PRKD1: variants seen among roughly 807,000 people sequenced by gnomAD.
PRKD1 encodes serine/threonine-protein kinase D1.
Under a neutral mutation model 95.9 loss-of-function variants are expected in PRKD1, and 63 were observed. The ratio of observed to expected loss-of-function variants is 0.66; its 90% CI spans 0.54 to 0.81. PRKD1 has a LOEUF of 0.81. Ranked by LOEUF, PRKD1 falls within the 30% of genes least tolerant of loss-of-function variation. The probability of loss-of-function intolerance (pLI) is 0.00; values close to 1 mark genes in which losing one functional copy is unlikely to be tolerated. For missense variants in PRKD1, 1,048 were observed against 1,165.3 expected (o/e 0.90, Z 1.47); for synonymous variants, 425 against 423.1 (o/e 1.00, Z -0.05).
chr14:29,840,056 T>C (rs896916404), intron 1 of PRKD1, among the ~76,000 whole-genome samples: 2 of 152,120 alleles, frequency 1.3e-5, no homozygotes, highest in Non-Finnish European at 2.9e-5. Flanking sequence ...CCACCTTGAA[T>C]TTCTCCTCAG....
At chr14:29,629,117 T>G (rs200341681) in intron 10 of PRKD1, 24 bp from the exon 11 acceptor site, 3 of 1,594,262 alleles carry the variant, frequency 1.9e-6, no homozygotes, top group African/African-American at 2.7e-5. Context: ...TAAAACAATA[T>G]GCACACAAAA....
intron 8 of PRKD1, among the ~76,000 whole-genome samples, chr14:29,633,927 A>G (rs1042657286): frequency 3.9e-5 from 6 of 152,212 alleles, no homozygotes; most frequent in African/African-American, 1.4e-4. Context: ...GTTCTCTCTT[A>G]CGTACGTACA....
chr14:29,793,101 T>C (rs45621633), intron 1 of PRKD1, among the ~76,000 whole-genome samples: 94 of 152,170 alleles, frequency 6.2e-4, no homozygotes, highest in African/African-American at 2.1e-3. Context: ...GTTCTTGTGG[T>C]TAAAATAAAA....
At chr14:29,720,862 A>C (rs962070120) in intron 2 of PRKD1, among the ~76,000 whole-genome samples, 1 of 152,166 alleles carries the variant, frequency 6.6e-6, no homozygotes, top group Non-Finnish European at 1.5e-5. Context: ...AAGGAAATCA[A>C]TGATACTACC....
chr14:29,894,435 T>A (rs1894048194), intron 1 of PRKD1, among the ~76,000 whole-genome samples: 1 of 152,218 alleles, frequency 6.6e-6, no homozygotes. Context: ...GTATTCTGTA[T>A]CCTCTTGGAG....
rs1352208750 is a variant in PRKD1 at position 29,599,734 on chromosome 14, A to G, written c.1989T>C (p.His663=). 8 of 1,613,474 alleles carry G rather than the reference A, an allele frequency of 5.0e-6. No individual in the cohort carries two copies. Among genetic ancestry groups the G allele is most frequent in the Non-Finnish European group, 5.9e-6 (7 of 1,179,720 alleles). Residue 663 remains histidine (H), a synonymous_variant, in exon 14 of 18, where the codon CAT becomes CAC. Transcript: ENST00000331968. ...ACAAGATCATTTCCAGCATGTCTCCATGGAGTTTTTCCATAACAACAAACA... is the reference window on the plus strand; with the variant it reads ...ACAAGATCATTTCCAGCATGTCTCCGTGGAGTTTTTCCATAACAACAAACA... ...ERVFVVMEKL[H]GDMLEMILSS...
chr14:29,666,973 C>A (rs897294581), intron 2 of PRKD1, among the ~76,000 whole-genome samples: 7 of 152,138 alleles, frequency 4.6e-5, no homozygotes, highest in African/African-American at 1.4e-4. Context: ...TTTATTACAT[C>A]TTTCCATATG....
intron 4 of PRKD1, among the ~76,000 whole-genome samples, chr14:29,647,580 T>C (rs1403923666): frequency 6.6e-6 from 1 of 152,180 alleles, no homozygotes; most frequent in Non-Finnish European, 1.5e-5. Flanking sequence ...GGCCTGGGTT[T>C]ATGGTCTCAC....
chr14:29,652,232 G>C (rs556535958), intron 4 of PRKD1, among the ~76,000 whole-genome samples: 3 of 152,144 alleles, frequency 2.0e-5, no homozygotes, highest in African/African-American at 7.2e-5. Flanking sequence ...TGGAGGTCAC[G>C]GTACCTTGCC....
Position 29,576,860 on chromosome 14 carries a change from A to T in PRKD1, c.*378T>A, listed in dbSNP as rs147289286. 6.1e-4 allele frequency: 152 copies of T among 247,664 alleles called. No individual in the cohort carries two copies. Among genetic ancestry groups the T allele is most frequent in the African/African-American group, 2.8e-3 (129 of 45,666 alleles). 15.3% of individuals were successfully genotyped at this position (247,664 alleles called of 1,614,324 possible). A position where few individuals can be genotyped will look rare whatever the true frequency, so the allele number is the denominator to read the frequency against. ...TCAAGAGTTTGTTTACAATGACAAC[A>T]CCAATGGGACACACCAAACAGAACT... On this transcript the variant is annotated 3_prime_UTR_variant, in exon 18 of 18. Coordinates refer to ENST00000331968, the MANE Select transcript of PRKD1 (RefSeq NM_002742.3).
At chr14:29,921,957 C>T (rs1259652551) in intron 1 of PRKD1, among the ~76,000 whole-genome samples, 1 of 152,214 alleles carries the variant, frequency 6.6e-6, no homozygotes, top group African/African-American at 2.4e-5. Context: ...ACTTCACAGT[C>T]TCACAGGATA....
At chr14:29,664,987 G>A (rs778138469) in intron 3 of PRKD1, among the ~76,000 whole-genome samples, 1 of 152,014 alleles carries the variant, frequency 6.6e-6, no homozygotes, top group Middle Eastern at 3.4e-3. Flanking sequence ...ATTTTTAGTC[G>A]GCTGATAAAA....
At position 29,636,366 on chromosome 14, in the gene PRKD1, T is replaced by C. The variant is rs144613015; in HGVS notation, c.1114A>G (p.Met372Val). 5.3e-5 allele frequency: 86 copies of C among 1,614,226 alleles called. 1 individual carries two copies. The African/African-American group carries it at 1.1e-3, about 21-fold the overall frequency. ...EAMVQDAEMA[M>V]AECQNDSGEM... The stretch of plus-strand genomic sequence containing the variant: ...CCACTGTCGTTCTGGCACTCTGCCA[T>C]TGCCATCTCTGCATCTTGGACCATT... Residue 372 changes from methionine to valine, a missense_variant, in exon 7 of 18, where the codon ATG (methionine) becomes GTG (valine). Physicochemically the swap from Met to Val is conservative, Grantham distance 21 (BLOSUM62 1). Coordinates refer to ENST00000331968, the MANE Select transcript of PRKD1 (RefSeq NM_002742.3).
At chr14:29,751,699 A>C (rs969751271) in intron 1 of PRKD1, among the ~76,000 whole-genome samples, 11 of 152,168 alleles carry the variant, frequency 7.2e-5, no homozygotes, top group Non-Finnish European at 7.3e-5. Context: ...GCAGAGAATT[A>C]TTTCTTTCCT....
At chr14:29,776,738 G>A (rs1000538447) in intron 1 of PRKD1, among the ~76,000 whole-genome samples, 3 of 152,174 alleles carry the variant, frequency 2.0e-5, no homozygotes, top group Admixed American at 6.5e-5. Context: ...TTATCCAGGA[G>A]AACTTCCCCA....
chr14:29,874,229 G>T (rs1893209446), intron 1 of PRKD1, among the ~76,000 whole-genome samples: 1 of 152,080 alleles, frequency 6.6e-6, no homozygotes, highest in South Asian at 2.1e-4. Flanking sequence ...ATGAAAAAGT[G>T]CTCAATATCA....
At chr14:29,925,239 C>T (rs766578042) in intron 1 of PRKD1, among the ~76,000 whole-genome samples, 3 of 152,146 alleles carry the variant, frequency 2.0e-5, no homozygotes, top group Non-Finnish European at 4.4e-5. Flanking sequence ...AGTCTCTCCC[C>T]CAAGTCTTGA....
In PRKD1 at chr14:29,630,743, G is replaced by A. The variant is rs139982161; in HGVS notation, c.1671C>T (p.His557=). 26 of 1,613,906 alleles carry A rather than the reference G, an allele frequency of 1.6e-5. No individual in the cohort carries two copies. In the African/African-American group the frequency reaches 2.9e-4, roughly 18 times the overall value. Residue 557 remains histidine, a splice_region_variant and synonymous_variant, in exon 10 of 18, where the codon CAC becomes CAT. Coordinates refer to ENST00000331968, the MANE Select transcript of PRKD1 (RefSeq NM_002742.3). ...TGGTTAGAAAACTGGCAGACTCACT[G>A]TGCAAGTTGGTTCCTGTACCCACGG... ...GSSVGTGTNL[H]RDISVSISVS... is the part of the protein sequence containing the mutation.
intron 1 of PRKD1, among the ~76,000 whole-genome samples, chr14:29,839,152 A>G (rs961632745): frequency 6.6e-6 from 1 of 152,250 alleles, no homozygotes; most frequent in Middle Eastern, 3.2e-3. Context: ...AACAGCAGAC[A>G]TAACACCACA....
Sources: gnomAD v4.1 joint callset for allele counts (sites outside exome capture counted in the v4.1 genomes callset) on GRCh38, gnomAD v4.1.1 for gene constraint, MANE v1.5 for transcripts, NCBI Gene and HGNC (gene_info 2026-07-23, HGNC 2026-07-21) for gene names.